The following LAMA3 variants were observed in gnomAD, a reference collection of about 807,000 sequenced individuals.
LAMA3 encodes the protein laminin subunit alpha-3.
In LAMA3, 281 loss-of-function variants were observed where a neutral mutation model predicts 402.0. The observed-to-expected ratio is 0.70, with a 90% CI of 0.63 to 0.77. The LOEUF is 0.77. Ranked by LOEUF, LAMA3 falls within the 30% of genes least tolerant of loss-of-function variation. The pLI is 0.00. For missense variants in LAMA3, 3,840 were observed against 4,215.5 expected, an observed-to-expected ratio of 0.91 and a Z score of 2.47; for synonymous variants, 1,431 against 1,558.4, an observed-to-expected ratio of 0.92 and a Z score of 1.93.
chr18:23,805,125 G>T (rs1447963754), intron 12 of LAMA3, among the ~76,000 whole-genome samples: 1 of 152,132 alleles, frequency 6.6e-6, no homozygotes, highest in Non-Finnish European at 1.5e-5. Context: ...CTAAAGGTGT[G>T]AAGGAAAAAA....
chr18:23,716,163 ATT>A (rs36010076), intron 2 of LAMA3, among the ~76,000 whole-genome samples: 1 of 146,238 alleles, frequency 6.8e-6, no homozygotes. Flanking sequence ...TACCATATCG[ATT>A]TTTTTTTTTT....
intron 64 of LAMA3, 86 bp from the exon 65 acceptor site, chr18:23,930,976 A>T: frequency 2.3e-6 from 3 of 1,298,098 alleles, no homozygotes; most frequent in Non-Finnish European, 3.3e-6. Flanking sequence ...TGTTTTATAC[A>T]TGGTTTGGAT....
At chr18:23,941,040 A>G (rs376157073) in intron 68 of LAMA3, among the ~76,000 whole-genome samples, 3 of 149,076 alleles carry the variant, frequency 2.0e-5, no homozygotes, top group African/African-American at 7.4e-5. Flanking sequence ...GGTTCACACT[A>G]TTCTCCTGCC....
chr18:23,691,881 G>A (rs915476663), intron 1 of LAMA3, among the ~76,000 whole-genome samples: 1 of 152,112 alleles, frequency 6.6e-6, no homozygotes, highest in Non-Finnish European at 1.5e-5. Context: ...CTGATTTTAT[G>A]TTATACTTGA....
At chr18:23,801,212 C>T (rs1365907318) in intron 12 of LAMA3, among the ~76,000 whole-genome samples, 1 of 152,150 alleles carries the variant, frequency 6.6e-6, no homozygotes, top group African/African-American at 2.4e-5. Context: ...CGTATGTTCT[C>T]ACTTATAAGT....
At chr18:23,848,039 C>G (rs1292409915) in intron 32 of LAMA3, among the ~76,000 whole-genome samples, 1 of 152,200 alleles carries the variant, frequency 6.6e-6, no homozygotes, top group Non-Finnish European at 1.5e-5. Flanking sequence ...GTGGTGAGCA[C>G]CTGTCCATTT....
chr18:23,716,553 G>T (rs1036519691), intron 2 of LAMA3, among the ~76,000 whole-genome samples: 1 of 152,074 alleles, frequency 6.6e-6, no homozygotes, highest in Non-Finnish European at 1.5e-5. Flanking sequence ...CTGCTGGCTT[G>T]TTCTTTTTTC....
chr18:23,761,057 AC>A (rs1383529218), intron 7 of LAMA3, among the ~76,000 whole-genome samples: 1 of 152,248 alleles, frequency 6.6e-6, no homozygotes, highest in Non-Finnish European at 1.5e-5. Context: ...TTTGTTAGAT[AC>A]GTAGTATTTT....
intron 40 of LAMA3, among the ~76,000 whole-genome samples, chr18:23,884,470 T>A (rs1176512096): frequency 6.6e-6 from 1 of 152,192 alleles, no homozygotes; most frequent in Non-Finnish European, 1.5e-5. Context: ...GGAAAAATGC[T>A]GTTGTAATCA....
chr18:23,815,284 A>T (rs751297866), intron 16 of LAMA3, 44 bp downstream of exon 16: 1 of 1,566,146 alleles, frequency 6.4e-7, no homozygotes, highest in East Asian at 2.2e-5. Context: ...AGAATGCTAC[A>T]GCAACTGCTT....
chr18:23,848,466 G>GGAGAGAC (rs2063872239), intron 32 of LAMA3, among the ~76,000 whole-genome samples: 1 of 152,212 alleles, frequency 6.6e-6, no homozygotes, highest in Non-Finnish European at 1.5e-5. Context: ...GCTCCTAGAA[G>GGAGAGAC]GAGAGACTGG....
chr18:23,695,246 C>T (rs376049732), intron 1 of LAMA3, among the ~76,000 whole-genome samples: 6 of 152,286 alleles, frequency 3.9e-5, no homozygotes, highest in South Asian at 2.1e-4. Flanking sequence ...TTCAGTTGTT[C>T]TAAGCCACCC....
At chr18:23,719,413 T>A (rs1374407071) in intron 2 of LAMA3, among the ~76,000 whole-genome samples, 1 of 152,208 alleles carries the variant, frequency 6.6e-6, no homozygotes, top group Non-Finnish European at 1.5e-5. Flanking sequence ...GCAAATACTA[T>A]GAAAATGTTA....
intron 20 of LAMA3, among the ~76,000 whole-genome samples, chr18:23,823,710 G>A (rs1240698087): frequency 1.3e-5 from 2 of 152,072 alleles, no homozygotes; most frequent in Non-Finnish European, 2.9e-5. Flanking sequence ...CCAAAGATTT[G>A]GAGAAGATAA....
At chr18:23,800,966 T>C (rs960814413) in intron 12 of LAMA3, among the ~76,000 whole-genome samples, 4 of 152,202 alleles carry the variant, frequency 2.6e-5, no homozygotes, top group African/African-American at 9.6e-5. Context: ...ATCTTGATTA[T>C]TGTGAATAAT....
intron 2 of LAMA3, among the ~76,000 whole-genome samples, chr18:23,730,347 A>G (rs376391898): frequency 6.8e-4 from 99 of 145,964 alleles, no homozygotes; most frequent in African/African-American, 2.4e-3. Flanking sequence ...TCTCCTCCCC[A>G]GTCTTTTTTT....
chr18:23,697,393 C>T (rs1308018754), intron 1 of LAMA3, among the ~76,000 whole-genome samples: 2 of 152,198 alleles, frequency 1.3e-5, no homozygotes, highest in Non-Finnish European at 2.9e-5. Context: ...GCAGGCTGTA[C>T]TGGCTCAGGA....
At chr18:23,788,681 G>A (rs902819596) in intron 12 of LAMA3, among the ~76,000 whole-genome samples, 9 of 151,724 alleles carry the variant, frequency 5.9e-5, no homozygotes, top group African/African-American at 1.9e-4. Context: ...TAAAATATAG[G>A]CATAAATCTT....
Position 23,951,510 on chromosome 18 carries a change from G to A in LAMA3, c.9643-174G>A, listed in dbSNP as rs761994683. Among the ~76,000 whole-genome samples the A allele has an allele frequency of 5.9e-5, 9 of 152,260 alleles. No homozygotes were observed. In the East Asian group the frequency reaches 1.7e-3, roughly 29 times the overall value. ...TTGCCTGGAAGGGATGCAGCAGAGA[G>A]ATCTCTGGAAGCATTGGACCCCATG... On this transcript the variant is annotated intron_variant, in intron 72 of 74. Transcript: ENST00000313654.
Sources: gnomAD v4.1 joint callset for allele counts (sites outside exome capture counted in the v4.1 genomes callset) on GRCh38, gnomAD v4.1.1 for gene constraint, MANE v1.5 for transcripts, NCBI Gene and HGNC (gene_info 2026-07-23, HGNC 2026-07-21) for gene names.